Variants in CABCOCO1 observed in about 807,000 individuals in gnomAD.
CABCOCO1 encodes the protein ciliary associated calcium binding coiled-coil 1.
Under a neutral mutation model 35.7 loss-of-function variants are expected in CABCOCO1, and 28 were observed. That is an observed-to-expected ratio of 0.78 (90% CI 0.58 to 1.07). The LOEUF (loss-of-function observed/expected upper bound fraction) is 1.07, where lower values mean the gene tolerates loss of function less well. Among genes scored for constraint, CABCOCO1 ranks in the 50% least tolerant of loss-of-function variants. The pLI is 0.00. For missense variants in CABCOCO1, 326 were observed against 309.2 expected, an observed-to-expected ratio of 1.05 and a Z score of -0.41; for synonymous variants, 95 against 100.1, an observed-to-expected ratio of 0.95 and a Z score of 0.30.
At chr10:61,712,141 C>T (rs148921731) in intron 5 of CABCOCO1, among the ~76,000 whole-genome samples, 1 of 60,566 alleles carries the variant, frequency 1.7e-5, no homozygotes, top group African/African-American at 4.6e-5. Context: ...CTCCACAGCC[C>T]TATTTCTCCA....
At chr10:61,680,649 ATAT>A (rs370488560) in intron 2 of CABCOCO1, among the ~76,000 whole-genome samples, 25 of 50,112 alleles carry the variant, frequency 5.0e-4, no homozygotes, top group South Asian at 9.6e-4. Context: ...TATATAATAT[ATAT>A]TATGTTATAC....
intron 5 of CABCOCO1, among the ~76,000 whole-genome samples, chr10:61,716,220 A>G (rs1196102217): frequency 6.6e-6 from 1 of 152,146 alleles, no homozygotes; most frequent in Non-Finnish European, 1.5e-5. Context: ...AAGAAAGGAA[A>G]ATTACTGACA....
At chr10:61,666,393 A>G (rs1564527122) in intron 1 of CABCOCO1, among the ~76,000 whole-genome samples, 1 of 152,354 alleles carries the variant, frequency 6.6e-6, no homozygotes, top group East Asian at 1.9e-4. Context: ...GACAATGCCA[A>G]AAAAGTCACT....
chr10:61,744,711 T>A (rs1841619877), intron 5 of CABCOCO1, among the ~76,000 whole-genome samples: 1 of 152,112 alleles, frequency 6.6e-6, no homozygotes, highest in Non-Finnish European at 1.5e-5. Context: ...CCTATTGTCC[T>A]CAAAAGGAGA....
intron 5 of CABCOCO1, among the ~76,000 whole-genome samples, chr10:61,720,881 T>G (rs1840989998): frequency 6.7e-6 from 1 of 149,814 alleles, no homozygotes; most frequent in Admixed American, 6.6e-5. Context: ...GTATTGCTGG[T>G]CACCCACCTC....
intron 5 of CABCOCO1, among the ~76,000 whole-genome samples, chr10:61,755,145 C>A (rs781115330): frequency 1.3e-5 from 2 of 152,098 alleles, no homozygotes; most frequent in Non-Finnish European, 2.9e-5. Flanking sequence ...TAATTAGTTT[C>A]TCTGATAATG....
chr10:61,751,616 C>G (rs1841788595), intron 5 of CABCOCO1, among the ~76,000 whole-genome samples: 1 of 152,110 alleles, frequency 6.6e-6, no homozygotes, highest in Non-Finnish European at 1.5e-5. Flanking sequence ...TAAATGTGTA[C>G]TCCAAATATT....
intron 5 of CABCOCO1, among the ~76,000 whole-genome samples, chr10:61,709,595 T>C (rs917885315): frequency 2.0e-5 from 3 of 151,526 alleles, no homozygotes; most frequent in Non-Finnish European, 4.4e-5. Flanking sequence ...GAAATGCCAA[T>C]AACCACTAAA....
chr10:61,750,887 G>T (rs1304860961), intron 5 of CABCOCO1, among the ~76,000 whole-genome samples: 1 of 152,156 alleles, frequency 6.6e-6, no homozygotes, highest in Non-Finnish European at 1.5e-5. Flanking sequence ...CTGAGCTAGG[G>T]GTCCTTAAGA....
chr10:61,670,896 C>T (rs1839335389), intron 1 of CABCOCO1, among the ~76,000 whole-genome samples: 1 of 152,206 alleles, frequency 6.6e-6, no homozygotes, highest in Non-Finnish European at 1.5e-5. Flanking sequence ...ACCTTTGTGA[C>T]TCCAGCATTT....
intron 5 of CABCOCO1, chr10:61,701,812 G>T: frequency 1.0e-6 from 1 of 982,342 alleles, no homozygotes; most frequent in Non-Finnish European, 1.2e-6. Context: ...AAGACCAGAG[G>T]CCTCTGAAAA....
At chr10:61,759,596 C>T (rs749616489) in intron 5 of CABCOCO1, among the ~76,000 whole-genome samples, 1 of 152,038 alleles carries the variant, frequency 6.6e-6, no homozygotes, top group Non-Finnish European at 1.5e-5. Context: ...TTATTGTCTT[C>T]ATCACCAAGT....
intron 5 of CABCOCO1, among the ~76,000 whole-genome samples, chr10:61,694,599 T>A (rs1363881581): frequency 6.6e-6 from 1 of 151,966 alleles, no homozygotes; most frequent in South Asian, 2.1e-4. Flanking sequence ...ACACTTCCAC[T>A]GAGAACAACT....
intron 5 of CABCOCO1, among the ~76,000 whole-genome samples, chr10:61,716,157 TA>T (rs1426064694): frequency 2.6e-5 from 4 of 152,224 alleles, no homozygotes; most frequent in African/African-American, 9.6e-5. Flanking sequence ...ATATTCAATA[TA>T]TTTTTTTCTG....
intron 5 of CABCOCO1, among the ~76,000 whole-genome samples, chr10:61,739,676 G>A (rs1022231188): frequency 6.6e-6 from 1 of 152,158 alleles, no homozygotes; most frequent in African/African-American, 2.4e-5. Context: ...TATTGGCTGG[G>A]TGCAGTGGCT....
intron 7 of CABCOCO1, among the ~76,000 whole-genome samples, chr10:61,764,382 A>T (rs1367673098): frequency 6.6e-6 from 1 of 152,164 alleles, no homozygotes; most frequent in Non-Finnish European, 1.5e-5. Flanking sequence ...TCATGACATC[A>T]TAACAATGAA....
At chr10:61,694,633 T>A (rs758589791) in intron 5 of CABCOCO1, among the ~76,000 whole-genome samples, 55 of 151,984 alleles carry the variant, frequency 3.6e-4, no homozygotes, top group Non-Finnish European at 6.9e-4. Context: ...AAGATTTTTT[T>A]AAGACTTAAA....
At chr10:61,677,810 T>C (rs10994869) in intron 2 of CABCOCO1, among the ~76,000 whole-genome samples, 1 of 62,308 alleles carries the variant, frequency 1.6e-5, no homozygotes, top group Non-Finnish European at 3.2e-5. Flanking sequence ...GTTTTTTGGG[T>C]GTTTTTTTTT....
At chr10:61,679,801 T>A (rs977938148) in intron 2 of CABCOCO1, among the ~76,000 whole-genome samples, 4 of 151,846 alleles carry the variant, frequency 2.6e-5, no homozygotes, top group African/African-American at 9.7e-5. Flanking sequence ...AAAAATATAA[T>A]CAACTATTTT....
Sources: allele counts gnomAD v4.1 joint callset (sites outside exome capture counted in the v4.1 genomes callset), GRCh38; gene constraint gnomAD v4.1.1; transcripts MANE v1.5; gene names NCBI Gene and HGNC (gene_info 2026-07-23, HGNC 2026-07-21).